Variants in ANKH observed in about 807,000 individuals in gnomAD.
The protein encoded by ANKH is ANKH inorganic pyrophosphate transport regulator.
Under a neutral mutation model 49.0 loss-of-function variants are expected in ANKH, and 15 were observed. The observed-to-expected ratio is 0.31, with a 90% confidence interval of 0.20 to 0.47. ANKH has a LOEUF of 0.47. ANKH is among the 20% of genes least tolerant of loss of function. The pLI is 1.00. For synonymous variants in ANKH, 273 were observed against 260.0 expected, an observed-to-expected ratio of 1.05 and a Z score of -0.48; for missense variants, 429 against 652.0, an observed-to-expected ratio of 0.66 and a Z score of 3.72.
chr5:14,815,232 G>C (rs1189997860), intron 1 of ANKH, among the ~76,000 whole-genome samples: 1 of 152,172 alleles, frequency 6.6e-6, no homozygotes, highest in Non-Finnish European at 1.5e-5. Flanking sequence ...ATGTCTTCAA[G>C]AGACCACAGG....
chr5:14,790,578 T>C (rs1740130455), intron 1 of ANKH, among the ~76,000 whole-genome samples: 1 of 152,250 alleles, frequency 6.6e-6, no homozygotes, highest in Admixed American at 6.5e-5. Context: ...TTGTAAAATG[T>C]ATTTTAAAGA....
chr5:14,844,914 G>C (rs1026741682), intron 1 of ANKH, among the ~76,000 whole-genome samples: 1 of 152,032 alleles, frequency 6.6e-6, no homozygotes, highest in African/African-American at 2.4e-5. Flanking sequence ...GGAGCCATAG[G>C]GTTGGTATCA....
At chr5:14,779,041 T>C (rs1374664756) in intron 1 of ANKH, among the ~76,000 whole-genome samples, 1 of 152,232 alleles carries the variant, frequency 6.6e-6, no homozygotes, top group Non-Finnish European at 1.5e-5. Context: ...CCATCTGGAA[T>C]GTGGAACCCA....
At chr5:14,714,388 A>G (rs1032135264) in intron 9 of ANKH, among the ~76,000 whole-genome samples, 1 of 152,238 alleles carries the variant, frequency 6.6e-6, no homozygotes, top group African/African-American at 2.4e-5. Flanking sequence ...GGCCCTGAGC[A>G]TCTAGATTCC....
At chr5:14,766,304 G>C (rs1413179712) in intron 2 of ANKH, among the ~76,000 whole-genome samples, 1 of 152,194 alleles carries the variant, frequency 6.6e-6, no homozygotes, top group East Asian at 1.9e-4. Flanking sequence ...GCTGAGGTGG[G>C]AGAATTGATT....
At chr5:14,768,952 T>C (rs757667006) in intron 2 of ANKH, 23 bp downstream of exon 2, 4 of 1,611,144 alleles carry the variant, frequency 2.5e-6, no homozygotes, top group Admixed American at 3.3e-5. Flanking sequence ...GCTAGATTCG[T>C]CAGTGGCGGT....
intron 1 of ANKH, among the ~76,000 whole-genome samples, chr5:14,773,067 C>T (rs1739499900): frequency 1.3e-5 from 2 of 152,188 alleles, no homozygotes; most frequent in African/African-American, 4.8e-5. Flanking sequence ...GCACTTTTCC[C>T]CACCACCTAT....
At chr5:14,716,582 T>C (rs762263009) in intron 9 of ANKH, 124 bp downstream of exon 9, 28 of 1,344,338 alleles carry the variant, frequency 2.1e-5, no homozygotes, top group Non-Finnish European at 2.9e-5. Context: ...TGTTTTTGCA[T>C]CTTTCTAAGC....
intron 1 of ANKH, among the ~76,000 whole-genome samples, chr5:14,794,052 C>T (rs967492489): frequency 1.3e-5 from 2 of 152,250 alleles, no homozygotes; most frequent in Non-Finnish European, 2.9e-5. Context: ...TCACTAAGAT[C>T]TCTTTACACT....
At chr5:14,866,909 C>A (rs1185055442) in intron 1 of ANKH, among the ~76,000 whole-genome samples, 2 of 152,048 alleles carry the variant, frequency 1.3e-5, no homozygotes, top group Non-Finnish European at 2.9e-5. Flanking sequence ...TGGTGGCTCA[C>A]GTTTTGGAAG....
chr5:14,810,302 C>T (rs568055163), intron 1 of ANKH, among the ~76,000 whole-genome samples: 12 of 151,756 alleles, frequency 7.9e-5, no homozygotes, highest in Non-Finnish European at 1.8e-4. Context: ...GGATTACAGG[C>T]GCCCGCCACC....
chr5:14,824,641 T>C (rs1005609170), intron 1 of ANKH, among the ~76,000 whole-genome samples: 1 of 152,198 alleles, frequency 6.6e-6, no homozygotes, highest in African/African-American at 2.4e-5. Context: ...TTTCATCAGC[T>C]GACAGGAGCG....
At chr5:14,763,260 C>T (rs2126502877) in intron 2 of ANKH, among the ~76,000 whole-genome samples, 1 of 152,372 alleles carries the variant, frequency 6.6e-6, no homozygotes, top group Non-Finnish European at 1.5e-5. Context: ...CTGTTGTTGA[C>T]CCACTGTGAC....
chr5:14,728,889 TG>T (rs999664757), intron 8 of ANKH, among the ~76,000 whole-genome samples: 4 of 152,172 alleles, frequency 2.6e-5, no homozygotes, highest in Non-Finnish European at 5.9e-5. Context: ...GTGGAGTCCT[TG>T]GGGTGCCGGC....
chr5:14,816,442 T>A (rs1741041196), intron 1 of ANKH, among the ~76,000 whole-genome samples: 1 of 152,120 alleles, frequency 6.6e-6, no homozygotes, highest in South Asian at 2.1e-4. Flanking sequence ...TGATGTAGCA[T>A]CAGAGAGTGA....
At chr5:14,797,995 T>G in intron 1 of ANKH, 1 of 1,561,864 alleles carries the variant, frequency 6.4e-7, no homozygotes, top group African/African-American at 1.4e-5. Flanking sequence ...ATACAAGGGT[T>G]CTGGGGCATA....
chr5:14,740,615 T>G (rs919852270), intron 8 of ANKH, among the ~76,000 whole-genome samples: 1 of 152,228 alleles, frequency 6.6e-6, no homozygotes, highest in Non-Finnish European at 1.5e-5. Flanking sequence ...TCAGAGGTCT[T>G]CTGTGATGGG....
intron 1 of ANKH, among the ~76,000 whole-genome samples, chr5:14,792,547 A>G (rs755505448): frequency 6.6e-6 from 1 of 152,136 alleles, no homozygotes; most frequent in Non-Finnish European, 1.5e-5. Context: ...TCACCGCTCT[A>G]TCTAGGCTGA....
rs116591972 is a variant in ANKH at position 14,769,186 on chromosome 5, C to T, written c.102G>A (p.Leu34=). The change falls in exon 2 of 12, where the codon TTG becomes TTA. Residue 34 remains leucine (L), a synonymous_variant. Coordinates refer to ENST00000284268, the MANE Select transcript of ANKH (RefSeq NM_054027.6). ...NIAIDFGEQA[L]NRGIAAVKED... ...CCTTGACAGCAGCAATGCCCCGGTTCAAGGCCTGGGAAGGGGGAAAAAAAC... is the reference window on the plus strand; with the variant it reads ...CCTTGACAGCAGCAATGCCCCGGTTTAAGGCCTGGGAAGGGGGAAAAAAAC... 3.5e-4 allele frequency: 558 copies of T among 1,613,150 alleles called. 4 individuals are homozygous for T. In the African/African-American group the frequency reaches 6.4e-3, roughly 18 times the overall value.
Sources: gnomAD v4.1 joint callset for allele counts (sites outside exome capture counted in the v4.1 genomes callset) on GRCh38, gnomAD v4.1.1 for gene constraint, MANE v1.5 for transcripts, NCBI Gene and HGNC (gene_info 2026-07-23, HGNC 2026-07-21) for gene names.